RBBP5: variants seen among roughly 807,000 people sequenced by gnomAD.
RBBP5 encodes RB binding protein 5, histone lysine methyltransferase complex subunit.
A neutral mutation model predicts 72.2 loss-of-function variants in RBBP5; 5 were observed. That is an observed-to-expected ratio of 0.07 (90% CI 0.04 to 0.15). The LOEUF (loss-of-function observed/expected upper bound fraction) is 0.15. Ranked by LOEUF, RBBP5 falls within the 10% of genes least tolerant of loss-of-function variation. The pLI, the probability that RBBP5 is intolerant of heterozygous loss-of-function variation, is 1.00. For synonymous variants in RBBP5, 209 were observed against 237.2 expected, an observed-to-expected ratio of 0.88 and a Z score of 1.09; for missense variants, 322 against 652.2, an observed-to-expected ratio of 0.49 and a Z score of 5.51.
At chr1:205,093,669 A>G (rs1032413603) in intron 13 of RBBP5, among the ~76,000 whole-genome samples, 3 of 150,644 alleles carry the variant, frequency 2.0e-5, no homozygotes, top group Non-Finnish European at 3.0e-5. Flanking sequence ...GGAAAAAAAT[A>G]TTGGTACTCA....
chr1:205,119,394 T>C (rs553916608), intron 1 of RBBP5, among the ~76,000 whole-genome samples: 53 of 152,316 alleles, frequency 3.5e-4, no homozygotes, highest in African/African-American at 1.0e-3. Flanking sequence ...AGACTCCGTC[T>C]CAAAAGATAA....
chr1:205,099,049 C>T lies in RBBP5; in HGVS notation c.1036G>A (p.Glu346Lys), dbSNP rs1448206123. ...ATATCAAACTCTGATTCCCTTTCTT[C>T]GTATTCTACATTTTCATCCAATTCT... is the stretch of plus-strand genomic sequence containing the variant. ...FKELDENVEY[E>K]ERESEFDIED... Residue 346 changes from glutamate (E) to lysine (K), a missense_variant, in exon 10 of 14, where the codon GAA becomes AAA. This residue lies in a region of RBBP5 where 30 missense variants were observed against 82.1 expected (regional missense o/e 0.37). Coordinates refer to ENST00000264515, the MANE Select transcript of RBBP5 (RefSeq NM_005057.4). This position sits in a 1 kb window ranked among gnomAD's most constrained non-coding sequence, Gnocchi z 4.7. 1.2e-6 allele frequency: 2 copies of T among 1,611,906 alleles called. No individual in the cohort carries two copies. The highest frequency in any genetic ancestry group is 1.7e-6 in the Non-Finnish European group (2 of 1,179,296).
chr1:205,110,791 C>T (rs1472156624), intron 3 of RBBP5, among the ~76,000 whole-genome samples: 5 of 152,206 alleles, frequency 3.3e-5, no homozygotes, highest in South Asian at 2.1e-4. Flanking sequence ...TGGCCAAGCA[C>T]GGTGGCTCAC....
rs1655745610 is a variant in RBBP5 at position 205,099,634 on chromosome 1, C to A, written c.978+107G>T. The A allele has an allele frequency of 8.3e-7, 1 of 1,203,282 alleles. No homozygotes were observed. The highest frequency in any genetic ancestry group is 1.2e-6 in the Non-Finnish European group (1 of 851,304). The allele number at this position is 1,203,282 out of a possible 1,614,324, so 74.5% of individuals were successfully genotyped here. The stretch of plus-strand genomic sequence containing the variant: ...CCTATGTAATTTAGGTTGCGAGAAT[C>A]ATATGCAAAAGAAAATAAAAATGTA... On this transcript the variant is annotated intron_variant, in intron 9 of 13. Transcript: ENST00000264515. This position sits in a 1 kb window ranked among gnomAD's most constrained non-coding sequence, Gnocchi z 4.7.
intron 3 of RBBP5, among the ~76,000 whole-genome samples, chr1:205,107,391 C>T (rs1558578219): frequency 6.6e-6 from 1 of 151,932 alleles, no homozygotes; most frequent in Non-Finnish European, 1.5e-5. Context: ...GATGCCTTAT[C>T]TATAGGGGAA....
intron 3 of RBBP5, among the ~76,000 whole-genome samples, chr1:205,105,868 C>T (rs979164592): frequency 1.3e-5 from 2 of 152,220 alleles, no homozygotes; most frequent in Admixed American, 6.5e-5. Context: ...AACTTTAAGA[C>T]AATAACCAAC....
chr1:205,091,609 C>T (rs1191943977), intron 13 of RBBP5: 2 of 152,228 alleles, frequency 1.3e-5, no homozygotes, highest in Non-Finnish European at 2.9e-5. Flanking sequence ...CCTGTTGCAA[C>T]AGACAACAGA....
rs1558567271 is a variant in RBBP5, at chr1:205,087,723, GAAC to G, written c.*1061_*1063del. The G allele has an allele frequency of 2.3e-5, 3 of 130,540 alleles. No individual in the cohort carries two copies. Among genetic ancestry groups the G allele is most frequent in the African/African-American group, 8.2e-5 (3 of 36,800 alleles). The allele number at this position is 130,540 out of a possible 1,614,324, so 8.1% of individuals were successfully genotyped here. ...CTATCCAATCTGTTATTTTTATAAA[GAAC>G]AACAAATGTCAAAAAAAAAGCTAAG... is the stretch of plus-strand genomic sequence containing the variant. On this transcript the variant is annotated 3_prime_UTR_variant, in exon 14 of 14. Coordinates refer to ENST00000264515, the MANE Select transcript of RBBP5 (RefSeq NM_005057.4).
intron 12 of RBBP5, 67 bp from the exon 13 acceptor site, chr1:205,095,131 T>C: frequency 1.4e-6 from 2 of 1,455,012 alleles, no homozygotes; most frequent in South Asian, 2.4e-5. Context: ...ACCACAACTT[T>C]GTTGAGCAAA....
intron 12 of RBBP5, 30 bp from the exon 13 acceptor site, chr1:205,095,094 C>A (rs763421532): frequency 2.5e-6 from 4 of 1,604,644 alleles, no homozygotes; most frequent in Middle Eastern, 1.7e-4. Context: ...GGAAAGGAAT[C>A]CACATGACAC....
At chr1:205,095,085 G>A in intron 12 of RBBP5, 21 bp from the exon 13 acceptor site, 1 of 1,612,438 alleles carries the variant, frequency 6.2e-7, no homozygotes, top group Non-Finnish European at 8.5e-7. Flanking sequence ...GACAGGCATG[G>A]AAAGGAATCC....
At chr1:205,116,553 T>C (rs1311399500) in intron 1 of RBBP5, among the ~76,000 whole-genome samples, 1 of 152,224 alleles carries the variant, frequency 6.6e-6, no homozygotes, top group Non-Finnish European at 1.5e-5. Flanking sequence ...GCTCGGTGGC[T>C]CACGCCTGTA....
At chr1:205,095,682 C>A (rs1655584177) in intron 12 of RBBP5, among the ~76,000 whole-genome samples, 1 of 152,286 alleles carries the variant, frequency 6.6e-6, no homozygotes, top group African/African-American at 2.4e-5. Context: ...CCTGACCCCA[C>A]CACTTCTGTG....
At chr1:205,115,377 G>C (rs1441373773) in intron 2 of RBBP5, among the ~76,000 whole-genome samples, 1 of 151,878 alleles carries the variant, frequency 6.6e-6, no homozygotes, top group Admixed American at 6.6e-5. Context: ...AAAAACCCTG[G>C]AATAGCCTAC....
intron 3 of RBBP5, 77 bp from the exon 4 acceptor site, chr1:205,105,245 A>G: frequency 6.7e-7 from 1 of 1,502,490 alleles, no homozygotes; most frequent in African/African-American, 1.4e-5. Context: ...TGTGTAAGTC[A>G]CACACATTGC....
At chr1:205,103,223 CA>C (rs35295093) in intron 5 of RBBP5, among the ~76,000 whole-genome samples, 36,784 of 90,744 alleles carry the variant, frequency 0.41, 3,610 homozygotes, top group Middle Eastern at 0.47. Flanking sequence ...GACTCCATCT[CA>C]AAAAAAAAAA....
At chr1:205,094,164 T>A (rs1275067139) in intron 13 of RBBP5, among the ~76,000 whole-genome samples, 1 of 152,144 alleles carries the variant, frequency 6.6e-6, no homozygotes, top group African/African-American at 2.4e-5. Flanking sequence ...AATATAAAAG[T>A]GAGAAAACTC....
At chr1:205,094,837 G>C in intron 13 of RBBP5, 36 bp downstream of exon 13, 1 of 1,574,298 alleles carries the variant, frequency 6.4e-7, no homozygotes, top group Non-Finnish European at 8.6e-7. Flanking sequence ...GCAAGGCCAC[G>C]AAGCAAGCCA....
intron 3 of RBBP5, among the ~76,000 whole-genome samples, chr1:205,107,581 A>G (rs1656123508): frequency 6.6e-6 from 1 of 152,214 alleles, no homozygotes; most frequent in Admixed American, 6.5e-5. Flanking sequence ...GAAAAGATTA[A>G]AGGAAGGGTT....
Sources: allele counts gnomAD v4.1 joint callset (sites outside exome capture counted in the v4.1 genomes callset), GRCh38; gene constraint gnomAD v4.1.1; regional missense constraint gnomAD v4.1.1; non-coding constraint Gnocchi (gnomAD v3.1); transcripts MANE v1.5; gene names NCBI Gene and HGNC (gene_info 2026-07-23, HGNC 2026-07-21).